Variants in QRFPR observed in about 807,000 individuals in gnomAD.
The protein encoded by QRFPR is pyroglutamylated RF-amide peptide receptor.
Under a neutral mutation model 31.3 loss-of-function variants are expected in QRFPR, and 37 were observed. That is an observed-to-expected ratio of 1.18 (90% CI 0.91 to 1.56). The LOEUF (loss-of-function observed/expected upper bound fraction) is 1.56, where lower values mean the gene tolerates loss of function less well. Ranked by LOEUF, QRFPR falls within the 40% of genes most tolerant of loss-of-function variation. The pLI, the probability that QRFPR is intolerant of heterozygous loss-of-function variation, is 0.00. For missense variants in QRFPR, 542 were observed against 532.5 expected (o/e 1.02, Z -0.18); for synonymous variants, 197 against 192.0 (o/e 1.03, Z -0.22).
intron 1 of QRFPR, among the ~76,000 whole-genome samples, chr4:121,354,479 C>A (rs1296976800): frequency 6.6e-6 from 1 of 151,708 alleles, no homozygotes; most frequent in African/African-American, 2.4e-5. Context: ...TTTTAAATTT[C>A]AGATCATATC....
intron 1 of QRFPR, among the ~76,000 whole-genome samples, chr4:121,350,781 G>T (rs760383310): frequency 2.6e-5 from 4 of 152,230 alleles, no homozygotes; most frequent in Admixed American, 2.0e-4. Flanking sequence ...CAGCTAAAAG[G>T]TCGCTGTTGA....
chr4:121,359,671 GTGTGTGTATATA>G (rs1214381416), intron 1 of QRFPR, among the ~76,000 whole-genome samples: 73 of 151,096 alleles, frequency 4.8e-4, no homozygotes, highest in East Asian at 1.6e-3. Context: ...ATATATATAT[GTGTGTGTATATA>G]TGTGTGTATA....
intron 2 of QRFPR, among the ~76,000 whole-genome samples, chr4:121,338,264 T>C (rs1187167296): frequency 1.3e-5 from 2 of 152,184 alleles, no homozygotes; most frequent in Non-Finnish European, 2.9e-5. Flanking sequence ...TGGGCTTTAG[T>C]ACAAATTCTG....
chr4:121,340,610 C>A lies in QRFPR; in HGVS notation c.341G>T (p.Gly114Val), dbSNP rs761447398. 2 of 1,613,018 alleles carry A rather than the reference C, an allele frequency of 1.2e-6. No homozygotes were observed. Among genetic ancestry groups the A allele is most frequent in the East Asian group, 4.5e-5 (2 of 44,828 alleles). Residue 114 changes from glycine (G) to valine (V), a missense_variant and splice_region_variant, in exon 2 of 6, where the codon GGT (glycine) becomes GTT (valine). Physicochemically the swap from Gly to Val is moderately radical, Grantham distance 109 (BLOSUM62 -3). Transcript: ENST00000394427. ...LQNISDNWLGGAFICKMVPFV... is the reference protein window; with the variant it reads ...LQNISDNWLGVAFICKMVPFV... Reference sequence around the variant, plus strand: ...TGGCACCATCTTGCAAATGAAAGCACCTGCAGTAAGGAAATAGGACAAATC... The same window carrying A: ...TGGCACCATCTTGCAAATGAAAGCAACTGCAGTAAGGAAATAGGACAAATC...
chr4:121,340,673 T>C, intron 1 of QRFPR, 63 bp from the exon 2 acceptor site: 3 of 1,489,604 alleles, frequency 2.0e-6, no homozygotes, highest in Non-Finnish European at 1.8e-6. Context: ...TTCATCTGTG[T>C]CTTTGTAATT....
intron 1 of QRFPR, among the ~76,000 whole-genome samples, chr4:121,353,253 G>A (rs896790554): frequency 1.3e-5 from 2 of 151,942 alleles, no homozygotes; most frequent in Non-Finnish European, 2.9e-5. Context: ...CTGCTGGATT[G>A]TATGGTAGTT....
intron 1 of QRFPR, chr4:121,369,457 C>T: frequency 9.8e-7 from 1 of 1,015,934 alleles, no homozygotes; most frequent in Non-Finnish European, 1.5e-6. Context: ...TGAGCACATT[C>T]AAGTCACGGG....
intron 1 of QRFPR, among the ~76,000 whole-genome samples, chr4:121,341,826 A>C (rs1237579191): frequency 1.3e-5 from 2 of 152,120 alleles, no homozygotes; most frequent in Non-Finnish European, 2.9e-5. Context: ...ACTCCATGGG[A>C]ATACTCCTTG....
chr4:121,338,509 C>A (rs1007503612), intron 2 of QRFPR, among the ~76,000 whole-genome samples: 1 of 152,072 alleles, frequency 6.6e-6, no homozygotes, highest in Non-Finnish European at 1.5e-5. Flanking sequence ...GATTTTTTTG[C>A]GATATATTTT....
At chr4:121,333,123 T>C in intron 3 of QRFPR, 67 bp from the exon 4 acceptor site, 1 of 1,021,836 alleles carries the variant, frequency 9.8e-7, no homozygotes, top group Non-Finnish European at 1.5e-6. Flanking sequence ...ATCAGCCAAG[T>C]ATTATTGCAA....
rs1488103114 is a variant in QRFPR at position 121,342,601 on chromosome 4, A to G, written c.341-1991T>C. Among the ~76,000 whole-genome samples, 5 of 152,058 alleles carry G rather than the reference A, an allele frequency of 3.3e-5. No homozygotes were observed. The East Asian group carries it at 9.6e-4, about 29-fold the overall frequency. The stretch of plus-strand genomic sequence containing the variant: ...CTTTCACATGTTAACATACTGATAT[A>G]TAATATATATGCTGCTAATTTGTTT... On this transcript the variant is annotated intron_variant, in intron 1 of 5. Transcript: ENST00000394427.
At chr4:121,369,840 CAGGTGG>C in intron 1 of QRFPR, 1 of 1,002,506 alleles carries the variant, frequency 1.0e-6, no homozygotes, top group Non-Finnish European at 1.6e-6. Flanking sequence ...AGGGCTGATG[CAGGTGG>C]CCTCTCTTCT....
intron 1 of QRFPR, among the ~76,000 whole-genome samples, chr4:121,345,124 T>C (rs1725619509): frequency 6.6e-6 from 1 of 152,188 alleles, no homozygotes; most frequent in East Asian, 1.9e-4. Flanking sequence ...TATTAACTCT[T>C]CCCCACTGTG....
At chr4:121,337,422 C>G (rs906216967) in intron 2 of QRFPR, among the ~76,000 whole-genome samples, 3 of 152,126 alleles carry the variant, frequency 2.0e-5, no homozygotes, top group African/African-American at 7.2e-5. Context: ...AGTGCAGTGT[C>G]TTCGTTGCCC....
chr4:121,378,377 G>C (rs1726397100), intron 1 of QRFPR, among the ~76,000 whole-genome samples: 1 of 148,862 alleles, frequency 6.7e-6, no homozygotes, highest in South Asian at 2.1e-4. Flanking sequence ...TCCCCAACAT[G>C]AACTGGAGCT....
At chr4:121,362,696 G>A (rs1726016032) in intron 1 of QRFPR, among the ~76,000 whole-genome samples, 1 of 149,918 alleles carries the variant, frequency 6.7e-6, no homozygotes, top group African/African-American at 2.5e-5. Context: ...CTTTGACAAA[G>A]GAGCAAGACA....
chr4:121,369,236 C>A (rs1411351979), intron 1 of QRFPR, among the ~76,000 whole-genome samples: 2 of 152,148 alleles, frequency 1.3e-5, no homozygotes, highest in African/African-American at 2.4e-5. Flanking sequence ...ATTGTGTTGG[C>A]CAGGCTGGTC....
At position 121,329,583 on chromosome 4, in the gene QRFPR, C is replaced by G. The variant is rs1226137558; in HGVS notation, c.1027G>C (p.Val343Leu). The G allele has an allele frequency of 6.2e-7, 1 of 1,613,438 alleles. No homozygotes were observed. The highest frequency in any genetic ancestry group is 2.2e-5 in the East Asian group (1 of 44,838). ...ATGCAATAACAAACTGCAGACAAAA[C>G]ATTTTTTTTGAAGTTTTCATTCATA... ...AFMNENFKKN[V>L]LSAVCYCIVN... Residue 343 changes from valine to leucine, a missense_variant, in exon 6 of 6, where the codon GTT becomes CTT. By Grantham distance (32) the Val-to-Leu change is conservative (BLOSUM62 1). Coordinates refer to ENST00000394427, the MANE Select transcript of QRFPR (RefSeq NM_198179.3).
At chr4:121,362,397 T>A (rs1193342668) in intron 1 of QRFPR, among the ~76,000 whole-genome samples, 1 of 150,196 alleles carries the variant, frequency 6.7e-6, no homozygotes, top group Non-Finnish European at 1.5e-5. Flanking sequence ...CTGCTTTCAC[T>A]ATAAAGTCTT....
Sources: allele counts gnomAD v4.1 joint callset (sites outside exome capture counted in the v4.1 genomes callset), GRCh38; gene constraint gnomAD v4.1.1; transcripts MANE v1.5; gene names NCBI Gene and HGNC (gene_info 2026-07-23, HGNC 2026-07-21).